Variants in SYCP2L observed in about 807,000 individuals in gnomAD.
SYCP2L encodes synaptonemal complex protein 2 like.
A neutral mutation model predicts 125.8 loss-of-function variants in SYCP2L; 98 were observed. The observed-to-expected ratio is 0.78, with a 90% CI of 0.66 to 0.92. The LOEUF is 0.92. Ranked by LOEUF, SYCP2L falls within the 40% of genes least tolerant of loss-of-function variation. The pLI is 0.00. For synonymous variants in SYCP2L, 317 were observed against 325.4 expected (o/e 0.97, Z 0.28); for missense variants, 842 against 936.4 (o/e 0.90, Z 1.32).
intron 10 of SYCP2L, among the ~76,000 whole-genome samples, chr6:10,909,627 CTAA>C (rs1561684222): frequency 6.6e-6 from 1 of 152,096 alleles, no homozygotes; most frequent in Non-Finnish European, 1.5e-5. Context: ...TAGGAGAACT[CTAA>C]TAATAGTCTT....
At chr6:10,936,308 C>G (rs1359265031) in intron 21 of SYCP2L, among the ~76,000 whole-genome samples, 1 of 151,896 alleles carries the variant, frequency 6.6e-6, no homozygotes, top group African/African-American at 2.4e-5. Flanking sequence ...ACCAGCCTGA[C>G]CAATATAGTG....
chr6:10,889,616 CTTTTTTTTTTTT>C (rs34273350), intron 1 of SYCP2L, among the ~76,000 whole-genome samples: 2 of 101,412 alleles, frequency 2.0e-5, no homozygotes, highest in Admixed American at 2.0e-4. Flanking sequence ...TGAGATCAGC[CTTTTTTTTTTTT>C]TTTTTTTTTG....
At chr6:10,911,335 C>G (rs999853786) in intron 12 of SYCP2L, among the ~76,000 whole-genome samples, 2 of 152,094 alleles carry the variant, frequency 1.3e-5, no homozygotes, top group East Asian at 3.9e-4. Flanking sequence ...TCCCCACCCC[C>G]CATTTGGTTT....
At chr6:10,888,626 G>T (rs1002129917) in intron 1 of SYCP2L, among the ~76,000 whole-genome samples, 1 of 152,080 alleles carries the variant, frequency 6.6e-6, no homozygotes, top group South Asian at 2.1e-4. Flanking sequence ...GCCAGAGAAG[G>T]TTGAAAGGAG....
At chr6:10,908,464 T>C (rs1202546075) in intron 10 of SYCP2L, among the ~76,000 whole-genome samples, 2 of 152,196 alleles carry the variant, frequency 1.3e-5, no homozygotes, top group Non-Finnish European at 2.9e-5. Context: ...CTCTGCAAGC[T>C]GGGCTTCCTG....
chr6:10,969,761 T>G (rs1056252748), intron 29 of SYCP2L, among the ~76,000 whole-genome samples: 2 of 152,100 alleles, frequency 1.3e-5, no homozygotes, highest in Admixed American at 6.6e-5. Flanking sequence ...GGAAAGTGCC[T>G]AGATGCCCAG....
intron 18 of SYCP2L, among the ~76,000 whole-genome samples, chr6:10,928,915 CT>C (rs751666059): frequency 0.021 from 2,918 of 141,562 alleles, 95 homozygotes; most frequent in African/African-American, 0.068. Flanking sequence ...CTTTTCTTTA[CT>C]TTTTTTTTTT....
Position 10,961,339 on chromosome 6 carries a change from C to A in SYCP2L, c.2290C>A (p.Leu764Ile). The change falls in exon 27 of 30, where the codon CTT (leucine) becomes ATT (isoleucine). Residue 764 changes from leucine to isoleucine, a missense_variant. Leu to Ile is a conservative substitution (Grantham distance 5). Transcript: ENST00000283141. ...NKLERFQNLV[L>I]QELSSLKQDI... ...ACTAGAGCGCTTTCAAAATTTGGTT[C>A]TTCAAGAGTTGAGCAGTCTTAAGCA... 6.2e-7 allele frequency: 1 copy of A among 1,614,106 alleles called. No homozygotes were observed. Among genetic ancestry groups the A allele is most frequent in the Non-Finnish European group, 8.5e-7 (1 of 1,180,008 alleles).
intron 2 of SYCP2L, among the ~76,000 whole-genome samples, chr6:10,892,323 G>A (rs554742124): frequency 3.2e-4 from 49 of 152,104 alleles, no homozygotes; most frequent in Non-Finnish European, 5.7e-4. Flanking sequence ...TTGTTTTAAC[G>A]GGATCTCACT....
At position 10,958,868 on chromosome 6, in the gene SYCP2L, C is replaced by A. The variant is rs374769105; in HGVS notation, c.2248C>A (p.Leu750Met). The A allele has an allele frequency of 6.2e-7, 1 of 1,613,816 alleles. No homozygotes were observed. The highest frequency in any genetic ancestry group is 8.5e-7 in the Non-Finnish European group (1 of 1,179,896). The change falls in exon 26 of 30, where the codon CTG becomes ATG. Residue 750 changes from leucine (L) to methionine (M), a missense_variant. Coordinates refer to ENST00000283141, the MANE Select transcript of SYCP2L (RefSeq NM_001040274.3). Reference protein sequence around the residue: ...CLIKLLNQMQLFRLNKLERFQ... With the variant: ...CLIKLLNQMQMFRLNKLERFQ... ...AATAAAACTTTTAAACCAGATGCAACTGTTCAGGTAAGTTTTAGGTTTCAA... is the reference window on the plus strand; with the variant it reads ...AATAAAACTTTTAAACCAGATGCAAATGTTCAGGTAAGTTTTAGGTTTCAA...
intron 14 of SYCP2L, among the ~76,000 whole-genome samples, chr6:10,919,666 A>T (rs1780754998): frequency 6.6e-6 from 1 of 152,102 alleles, no homozygotes; most frequent in South Asian, 2.1e-4. Context: ...GTCTTCAGTT[A>T]CCAGGATAGG....
chr6:10,898,227 T>A, intron 5 of SYCP2L, 112 bp downstream of exon 5: 1 of 821,404 alleles, frequency 1.2e-6, no homozygotes, highest in Non-Finnish European at 1.9e-6. Flanking sequence ...GTTAAAAGAC[T>A]CACATGGCTG....
chr6:10,962,603 A>G (rs1362195737), intron 28 of SYCP2L, among the ~76,000 whole-genome samples: 1 of 152,038 alleles, frequency 6.6e-6, no homozygotes, highest in African/African-American at 2.4e-5. Context: ...TTTCATATTA[A>G]AAATTGAGAC....
intron 23 of SYCP2L, among the ~76,000 whole-genome samples, chr6:10,944,817 C>T (rs1326433863): frequency 2.0e-5 from 3 of 152,166 alleles, no homozygotes; most frequent in Non-Finnish European, 2.9e-5. Flanking sequence ...CAGGTTCAAG[C>T]GATTCTCCTG....
intron 14 of SYCP2L, among the ~76,000 whole-genome samples, chr6:10,924,226 A>G (rs1430570753): frequency 6.6e-6 from 1 of 152,264 alleles, no homozygotes; most frequent in Non-Finnish European, 1.5e-5. Context: ...TGCAGAAGAC[A>G]AAACTATCTT....
At chr6:10,926,781 CT>C (rs774954530) in intron 16 of SYCP2L, among the ~76,000 whole-genome samples, 114 of 136,388 alleles carry the variant, frequency 8.4e-4, no homozygotes, top group Non-Finnish European at 7.8e-4. Flanking sequence ...GATTTCTTTT[CT>C]TTTTTTTTTT....
chr6:10,904,114 A>G (rs747033674), intron 8 of SYCP2L, among the ~76,000 whole-genome samples: 10 of 152,246 alleles, frequency 6.6e-5, no homozygotes, highest in Non-Finnish European at 1.5e-4. Flanking sequence ...TGATTAGCAC[A>G]TTATCTGCTA....
Position 10,942,479 on chromosome 6 carries a change from CTGAG to C in SYCP2L, c.1839_1842del (p.Glu614SerfsTer4), listed in dbSNP as rs757762943. 32 of 1,592,768 alleles carry C rather than the reference CTGAG, an allele frequency of 2.0e-5. No homozygotes were observed. The highest frequency in any genetic ancestry group is 2.6e-5 in the Non-Finnish European group (30 of 1,173,474). ...CTCAGAGCTTCAAGATCCTCACTCACTGAGTGAGCTCTCTTCCTTGAAGCACTCA... is the reference window on the plus strand; with the variant it reads ...CTCAGAGCTTCAAGATCCTCACTCACTGAGCTCTCTTCCTTGAAGCACTCA... On this transcript the variant is annotated frameshift_variant, in exon 22 of 30. Transcript: ENST00000283141. LOFTEE classifies it high-confidence loss of function.
At chr6:10,960,885 G>C (rs1781582069) in intron 26 of SYCP2L, among the ~76,000 whole-genome samples, 1 of 152,168 alleles carries the variant, frequency 6.6e-6, no homozygotes, top group Non-Finnish European at 1.5e-5. Flanking sequence ...AGATCAGCCT[G>C]GCCAACATGG....
Sources: gnomAD v4.1 joint callset for allele counts (sites outside exome capture counted in the v4.1 genomes callset) on GRCh38, gnomAD v4.1.1 for gene constraint, MANE v1.5 for transcripts, NCBI Gene and HGNC (gene_info 2026-07-23, HGNC 2026-07-21) for gene names.